DYNC2H1: variants seen among roughly 807,000 people sequenced by gnomAD.
DYNC2H1 encodes the protein cytoplasmic dynein 2 heavy chain 1.
Under a neutral mutation model 570.0 loss-of-function variants are expected in DYNC2H1, and 410 were observed. The observed-to-expected ratio is 0.72, with a 90% CI of 0.66 to 0.78. The LOEUF is 0.78. Among genes scored for constraint, DYNC2H1 ranks in the 30% least tolerant of loss-of-function variants. DYNC2H1 has a pLI of 0.00. For missense variants in DYNC2H1, 4,865 were observed against 5,046.4 expected (o/e 0.96, Z 1.09); for synonymous variants, 1,688 against 1,677.6 (o/e 1.01, Z -0.15).
At chr11:103,335,647 A>C (rs1011428012) in intron 82 of DYNC2H1, among the ~76,000 whole-genome samples, 10 of 152,144 alleles carry the variant, frequency 6.6e-5, no homozygotes, top group Admixed American at 2.0e-4. Context: ...AAACCAAACT[A>C]TTCCAGATAG....
At chr11:103,421,907 C>T (rs1943501542) in intron 84 of DYNC2H1, among the ~76,000 whole-genome samples, 1 of 78,916 alleles carries the variant, frequency 1.3e-5, no homozygotes, top group Non-Finnish European at 2.2e-5. Context: ...AATCCAAGAA[C>T]TGGTTTTTTT....
In DYNC2H1 at chr11:103,222,123, T is replaced by A; in HGVS notation, c.9201T>A (p.Leu3067=). 6.3e-7 allele frequency: 1 copy of A among 1,585,580 alleles called. No homozygotes were observed. The highest frequency in any genetic ancestry group is 2.2e-5 in the East Asian group (1 of 44,472). ...KEIRESVEEL[L]FKNKGSFDPK... is the part of the protein sequence containing the mutation. ...TAAGAGAGAGTGTTGAAGAACTTCTTTTTAAAAATAAAGGCTCTTTTGATC... is the reference window on the plus strand; with the variant it reads ...TAAGAGAGAGTGTTGAAGAACTTCTATTTAAAAATAAAGGCTCTTTTGATC... The change falls in exon 58 of 89, where the codon CTT becomes CTA. Residue 3067 remains leucine (L), a synonymous_variant. Coordinates refer to ENST00000375735, the MANE Select transcript of DYNC2H1 (RefSeq NM_001377.3).
intron 85 of DYNC2H1, among the ~76,000 whole-genome samples, chr11:103,450,729 A>T (rs925136327): frequency 6.6e-6 from 1 of 152,206 alleles, no homozygotes; most frequent in Non-Finnish European, 1.5e-5. Context: ...CACTTTTGCC[A>T]AGGAACACAG....
chr11:103,298,379 C>T (rs1210726684), intron 75 of DYNC2H1, among the ~76,000 whole-genome samples: 1 of 151,914 alleles, frequency 6.6e-6, no homozygotes, highest in Non-Finnish European at 1.5e-5. Context: ...GTTTTTTGTG[C>T]CACATGGCAC....
intron 84 of DYNC2H1, among the ~76,000 whole-genome samples, chr11:103,414,940 C>A (rs1282175885): frequency 1.3e-5 from 2 of 152,094 alleles, no homozygotes; most frequent in African/African-American, 4.8e-5. Flanking sequence ...GAATCAATAT[C>A]ATGAAAATGG....
At chr11:103,173,370 T>C (rs1315532098) in intron 35 of DYNC2H1, 65 bp downstream of exon 35, 3 of 1,161,390 alleles carry the variant, frequency 2.6e-6, no homozygotes, top group Non-Finnish European at 2.3e-6. Flanking sequence ...TGGTTATTAG[T>C]GATCATTTTC....
chr11:103,398,330 A>G (rs1308871996), intron 83 of DYNC2H1, among the ~76,000 whole-genome samples: 1 of 152,168 alleles, frequency 6.6e-6, no homozygotes, highest in Non-Finnish European at 1.5e-5. Context: ...TTCAGTATGA[A>G]TGTATCTCAA....
chr11:103,348,338 G>C (rs1343524385), intron 82 of DYNC2H1, among the ~76,000 whole-genome samples: 1 of 152,104 alleles, frequency 6.6e-6, no homozygotes, highest in Non-Finnish European at 1.5e-5. Flanking sequence ...CACATATTTA[G>C]TGTGTATATT....
chr11:103,364,844 G>A (rs1305175876), intron 83 of DYNC2H1, among the ~76,000 whole-genome samples: 1 of 152,084 alleles, frequency 6.6e-6, no homozygotes, highest in Non-Finnish European at 1.5e-5. Flanking sequence ...CGTTACTTCA[G>A]TAGTGAAGTG....
In DYNC2H1 at chr11:103,133,991, G is replaced by C. The variant is rs1341051120; in HGVS notation, c.2106+284G>C. On this transcript the variant is annotated intron_variant, in intron 14 of 88. Transcript: ENST00000375735. The surrounding 1 kb of genome is among the most constrained non-coding windows in gnomAD (Gnocchi z 4.8). ...AATCTAGAATCCAACTCTGCCCTTA[G>C]TTGTTGAGTCTCTTTAGCCTCCCCT... 1.3e-5 allele frequency among the ~76,000 whole-genome samples: 2 copies of C among 151,870 alleles called. No individual in the cohort carries two copies. Among genetic ancestry groups the C allele is most frequent in the South Asian group, 2.1e-4 (1 of 4,808 alleles).
Position 103,396,649 on chromosome 11 carries a change from T to A in DYNC2H1, c.12157-3014T>A, listed in dbSNP as rs138527065. On this transcript the variant is annotated intron_variant, in intron 83 of 88. Transcript: ENST00000375735. ...TATCCCACCTAGGAAATTGTTTCAG[T>A]TAAAACACAAACAACCTGGTTTCAC... 3.8e-3 allele frequency among the ~76,000 whole-genome samples: 583 copies of A among 152,316 alleles called. 5 individuals carry two copies. The highest frequency in any genetic ancestry group is 0.013 in the African/African-American group (559 of 41,564).
intron 48 of DYNC2H1, among the ~76,000 whole-genome samples, 164 bp downstream of exon 48, chr11:103,198,227 T>C (rs1471739336): frequency 1.3e-5 from 2 of 152,226 alleles, no homozygotes; most frequent in East Asian, 3.9e-4. Context: ...TAACGAGATG[T>C]GCCTGTACTT....
chr11:103,156,820 T>TA (rs1312379068), intron 26 of DYNC2H1, 50 bp downstream of exon 26: 1 of 1,567,520 alleles, frequency 6.4e-7, no homozygotes, highest in Non-Finnish European at 8.6e-7. Flanking sequence ...TTTTTTAAAT[T>TA]AATTCATATT....
chr11:103,115,111 T>C, intron 3 of DYNC2H1, 66 bp from the exon 4 acceptor site: 1 of 1,191,946 alleles, frequency 8.4e-7, no homozygotes, highest in Non-Finnish European at 1.2e-6. Context: ...GCTGCTCTGC[T>C]GTTTTGTATT....
chr11:103,254,243 A>G lies in DYNC2H1; in HGVS notation c.10206+795A>G, dbSNP rs1230012057. Among the ~76,000 whole-genome samples, 1 of 152,192 alleles carries G rather than the reference A, an allele frequency of 6.6e-6. No homozygotes were observed. Among genetic ancestry groups the G allele is most frequent in the Admixed American group, 6.5e-5 (1 of 15,280 alleles). On this transcript the variant is annotated intron_variant, in intron 66 of 88. Transcript: ENST00000375735. The surrounding 1 kb of genome is among the most constrained non-coding windows in gnomAD (Gnocchi z 4.9). ...TTTTAAATAAAACAATGTGACAATC[A>G]TTCAAAACTTGGCAGAATTAATTGA...
chr11:103,436,086 A>G lies in DYNC2H1; in HGVS notation c.12456+54A>G, dbSNP rs1301976142. The G allele has an allele frequency of 8.0e-6, 12 of 1,498,156 alleles. No individual in the cohort carries two copies. The Admixed American group carries it at 8.7e-5, about 11-fold the overall frequency. 92.8% of individuals were successfully genotyped at this position (1,498,156 alleles called of 1,614,324 possible). A position where few individuals can be genotyped will look rare whatever the true frequency, so the allele number is the denominator to read the frequency against. On this transcript the variant is annotated intron_variant, in intron 85 of 88. Coordinates refer to ENST00000375735, the MANE Select transcript of DYNC2H1 (RefSeq NM_001377.3). ...TGTCTGACTGTGTGACTATTGTATT[A>G]TAGAGATAACCATTGTGCTAATCAC...
chr11:103,113,682 A>G lies in DYNC2H1; in HGVS notation c.341A>G (p.Gln114Arg). The G allele has an allele frequency of 6.5e-7, 1 of 1,549,936 alleles. No homozygotes were observed. The highest frequency in any genetic ancestry group is 8.6e-7 in the Non-Finnish European group (1 of 1,157,184). ...AGTTCTCTTTACCAAGCAGTACGGCAAGTATTCGCACCAATGTTGTTAAAG... is the reference window on the plus strand; with the variant it reads ...AGTTCTCTTTACCAAGCAGTACGGCGAGTATTCGCACCAATGTTGTTAAAG... ...PISSLYQAVR[Q>R]VFAPMLLKDQ... The change falls in exon 2 of 89, where the codon CAA becomes CGA. Residue 114 changes from glutamine (Q) to arginine (R), a missense_variant. Gln to Arg is a conservative substitution (Grantham distance 43). Transcript: ENST00000375735.
chr11:103,245,310 A>C lies in DYNC2H1; in HGVS notation c.9978A>C (p.Ile3326=), dbSNP rs761847826. The C allele has an allele frequency of 3.8e-6, 6 of 1,566,566 alleles. No individual in the cohort carries two copies. The East Asian group carries it at 1.4e-4, about 37-fold the overall frequency. ...TACGTTTTGGGAAAACCCTTATTATACAAGAGATGGATGGTGTAGAACCTG... is the reference window on the plus strand; with the variant it reads ...TACGTTTTGGGAAAACCCTTATTATCCAAGAGATGGATGGTGTAGAACCTG... ...LAVRFGKTLI[I]QEMDGVEPVL... is the part of the protein sequence containing the mutation. The change falls in exon 65 of 89, where the codon ATA becomes ATC. Residue 3326 remains isoleucine (I), a synonymous_variant. Transcript: ENST00000375735. This position sits in a 1 kb window ranked among gnomAD's most constrained non-coding sequence, Gnocchi z 4.5.
intron 81 of DYNC2H1, among the ~76,000 whole-genome samples, chr11:103,322,706 A>C (rs1938276218): frequency 1.3e-5 from 2 of 152,184 alleles, no homozygotes; most frequent in Non-Finnish European, 2.9e-5. Context: ...AGCTATTTTG[A>C]AATAAGCAAA....
Sources: gnomAD v4.1 joint callset for allele counts (sites outside exome capture counted in the v4.1 genomes callset) on GRCh38, gnomAD v4.1.1 for gene constraint, Gnocchi (gnomAD v3.1) non-coding constraint, MANE v1.5 for transcripts, NCBI Gene and HGNC (gene_info 2026-07-23, HGNC 2026-07-21) for gene names.